The following HS6ST3 variants were observed in gnomAD, a reference collection of about 807,000 sequenced individuals.
HS6ST3 encodes heparan-sulfate 6-O-sulfotransferase 3.
HS6ST3 carries 12 observed loss-of-function variants against 36.7 expected under a neutral mutation model. That is an observed-to-expected ratio of 0.33 (90% CI 0.21 to 0.53). The LOEUF (loss-of-function observed/expected upper bound fraction) is 0.53. Ranked by LOEUF, HS6ST3 falls within the 20% of genes least tolerant of loss-of-function variation. The probability of loss-of-function intolerance (pLI) is 0.95; values close to 1 mark genes in which losing one functional copy is unlikely to be tolerated. For synonymous variants in HS6ST3, 240 were observed against 257.5 expected (o/e 0.93, Z 0.65); for missense variants, 584 against 640.9 (o/e 0.91, Z 0.96).
chr13:96,186,091 C>T (rs1021392870), intron 1 of HS6ST3, among the ~76,000 whole-genome samples: 6 of 151,952 alleles, frequency 3.9e-5, no homozygotes, highest in Non-Finnish European at 5.9e-5. Flanking sequence ...TGTGTATATG[C>T]GTGTATATGT....
chr13:96,528,715 C>A (rs999059132), intron 1 of HS6ST3, among the ~76,000 whole-genome samples: 1 of 152,152 alleles, frequency 6.6e-6, no homozygotes, highest in African/African-American at 2.4e-5. Context: ...TTACCACTTA[C>A]ATGTTGTACC....
At chr13:96,278,080 G>A (rs1264147104) in intron 1 of HS6ST3, among the ~76,000 whole-genome samples, 1 of 152,148 alleles carries the variant, frequency 6.6e-6, no homozygotes, top group African/African-American at 2.4e-5. Context: ...TCTTAGGAGA[G>A]CCATCTTGGA....
intron 1 of HS6ST3, among the ~76,000 whole-genome samples, chr13:96,736,185 G>GTT (rs1323932379): frequency 6.6e-6 from 1 of 152,020 alleles, no homozygotes; most frequent in Non-Finnish European, 1.5e-5. Context: ...GTTTACCTAT[G>GTT]TAACATACCC....
At chr13:96,801,246 CAAAA>C in intron 1 of HS6ST3, among the ~76,000 whole-genome samples, 1 of 152,210 alleles carries the variant, frequency 6.6e-6, no homozygotes, top group East Asian at 1.9e-4. Context: ...CCCAAGGATG[CAAAA>C]CATTGAGTTC....
intron 1 of HS6ST3, among the ~76,000 whole-genome samples, chr13:96,445,715 A>G (rs1244209464): frequency 1.3e-5 from 2 of 151,884 alleles, no homozygotes; most frequent in Non-Finnish European, 2.9e-5. Context: ...TAAAAATACA[A>G]AAAATAACCA....
intron 1 of HS6ST3, among the ~76,000 whole-genome samples, chr13:96,126,533 G>T (rs115428510): frequency 0.02 from 3,050 of 152,246 alleles, 85 homozygotes; most frequent in African/African-American, 0.068. Flanking sequence ...GCAGAAAAGG[G>T]GCTGTCTGCA....
At chr13:96,228,597 C>A (rs1012071003) in intron 1 of HS6ST3, among the ~76,000 whole-genome samples, 2 of 152,110 alleles carry the variant, frequency 1.3e-5, no homozygotes, top group African/African-American at 4.8e-5. Flanking sequence ...TTTTATGCAA[C>A]CATCTAGAAA....
chr13:96,431,074 C>G (rs372503971), intron 1 of HS6ST3, among the ~76,000 whole-genome samples: 1 of 151,856 alleles, frequency 6.6e-6, no homozygotes, highest in Non-Finnish European at 1.5e-5. Context: ...TGTGGTGGTA[C>G]GTGCCTGTAG....
intron 1 of HS6ST3, among the ~76,000 whole-genome samples, chr13:96,545,923 C>T (rs2056196055): frequency 6.6e-6 from 1 of 152,088 alleles, no homozygotes; most frequent in African/African-American, 2.4e-5. Context: ...CAGGGCATGT[C>T]TGTCTTATTT....
At chr13:96,816,649 G>A (rs547251504) in intron 1 of HS6ST3, among the ~76,000 whole-genome samples, 8 of 152,290 alleles carry the variant, frequency 5.3e-5, no homozygotes, top group South Asian at 4.1e-4. Flanking sequence ...CTGTCCAGGG[G>A]AAAGGTATCA....
chr13:96,431,221 AAACAAAC>A (rs1034542648), intron 1 of HS6ST3, among the ~76,000 whole-genome samples: 203 of 99,598 alleles, frequency 2.0e-3, no homozygotes, highest in African/African-American at 1.0e-2. Context: ...AAAAACAAAC[AAACAAAC>A]AACAACAACA....
At chr13:96,501,460 C>T (rs138768702) in intron 1 of HS6ST3, among the ~76,000 whole-genome samples, 29 of 152,300 alleles carry the variant, frequency 1.9e-4, no homozygotes, top group African/African-American at 6.3e-4. Context: ...GAGTTGCTGT[C>T]CTTGGGCAAG....
chr13:96,738,190 T>C (rs974506955), intron 1 of HS6ST3, among the ~76,000 whole-genome samples: 3 of 152,214 alleles, frequency 2.0e-5, no homozygotes, highest in Admixed American at 2.0e-4. Flanking sequence ...TCACCAAAGA[T>C]GTGGATCAAT....
At chr13:96,692,436 T>C (rs1193167515) in intron 1 of HS6ST3, among the ~76,000 whole-genome samples, 1 of 152,202 alleles carries the variant, frequency 6.6e-6, no homozygotes, top group Non-Finnish European at 1.5e-5. Flanking sequence ...AGATATTTTG[T>C]ATCCATGATT....
chr13:96,637,630 A>G (rs185805646), intron 1 of HS6ST3, among the ~76,000 whole-genome samples: 7 of 152,142 alleles, frequency 4.6e-5, no homozygotes, highest in Non-Finnish European at 8.8e-5. Flanking sequence ...TAGAAGTTAC[A>G]TGGTAATTGG....
chr13:96,643,440 A>G (rs2056577485), intron 1 of HS6ST3, among the ~76,000 whole-genome samples: 1 of 151,944 alleles, frequency 6.6e-6, no homozygotes, highest in Admixed American at 6.6e-5. Context: ...GGGTTTCTCA[A>G]AGACTCCTGT....
chr13:96,495,978 G>A (rs1195923746), intron 1 of HS6ST3, among the ~76,000 whole-genome samples: 1 of 152,174 alleles, frequency 6.6e-6, no homozygotes, highest in African/African-American at 2.4e-5. Context: ...TGTAATCACC[G>A]CCTCAACCCC....
At chr13:96,297,717 G>C (rs1176771008) in intron 1 of HS6ST3, among the ~76,000 whole-genome samples, 1 of 152,088 alleles carries the variant, frequency 6.6e-6, no homozygotes, top group Non-Finnish European at 1.5e-5. Context: ...ATGTGTCCCA[G>C]ATGAAGGCAT....
At chr13:96,783,899 C>CGGT (rs1222738072) in intron 1 of HS6ST3, among the ~76,000 whole-genome samples, 4 of 152,064 alleles carry the variant, frequency 2.6e-5, no homozygotes, top group Admixed American at 2.0e-4. Context: ...GAAACTCTCA[C>CGGT]GGTGCTGCAC....
Sources: gnomAD v4.1 joint callset for allele counts (sites outside exome capture counted in the v4.1 genomes callset) on GRCh38, gnomAD v4.1.1 for gene constraint, MANE v1.5 for transcripts, NCBI Gene and HGNC (gene_info 2026-07-23, HGNC 2026-07-21) for gene names.